The following LAT variants were observed in gnomAD, a reference collection of about 807,000 sequenced individuals.
The protein encoded by LAT is linker for activation of T-cells family member 1.
A neutral mutation model predicts 39.1 loss-of-function variants in LAT; 12 were observed. The ratio of observed to expected loss-of-function variants is 0.31; its 90% confidence interval spans 0.20 to 0.50. LAT has a LOEUF of 0.50. Among genes scored for constraint, LAT ranks in the 20% least tolerant of loss-of-function variants. The pLI, the probability that LAT is intolerant of heterozygous loss-of-function variation, is 0.98. For synonymous variants in LAT, 117 were observed against 123.8 expected (o/e 0.95, Z 0.36); for missense variants, 253 against 308.0 (o/e 0.82, Z 1.34).
chr16:28,986,369 CT>C lies in LAT; in HGVS notation c.246-10del. 1 of 1,613,542 alleles carries C rather than the reference CT, an allele frequency of 6.2e-7. No individual in the cohort carries two copies. The highest frequency in any genetic ancestry group is 8.5e-7 in the Non-Finnish European group (1 of 1,180,006). On this transcript the variant is annotated splice_polypyrimidine_tract_variant and intron_variant, in intron 4 of 11. Transcript: ENST00000395456. The surrounding 1 kb of genome is among the most constrained non-coding windows in gnomAD (Gnocchi z 5.7). ...CCCCACCTCAGGCATGACCCCTGAC[CT>C]TTGACTCCCAGAAGATCCCCGCAGC...
Position 28,985,264 on chromosome 16 carries a change from G to C in LAT, c.-154G>C. On this transcript the variant is annotated 5_prime_UTR_variant, in exon 1 of 12. Coordinates refer to ENST00000395456, the MANE Select transcript of LAT (RefSeq NM_001014987.2). The surrounding 1 kb of genome is among the most constrained non-coding windows in gnomAD (Gnocchi z 4.6). ...ACCCATCCCGGGAGCCCCGGGGAGG[G>C]CACAGCTGCCTCCTCCCGGGCTCCC... is the stretch of plus-strand genomic sequence containing the variant. The C allele has an allele frequency of 6.9e-7, 1 of 1,451,146 alleles. No homozygotes were observed. Among genetic ancestry groups the C allele is most frequent in the Non-Finnish European group, 9.1e-7 (1 of 1,104,304 alleles). The allele number at this position is 1,451,146 out of a possible 1,614,324, so 89.9% of individuals were successfully genotyped here. A position where few individuals can be genotyped will look rare whatever the true frequency, so the allele number is the denominator to read the frequency against.
chr16:28,989,759 G>C lies in LAT; in HGVS notation c.557-15G>C. 6.2e-7 allele frequency: 1 copy of C among 1,613,986 alleles called. No individual in the cohort carries two copies. The highest frequency in any genetic ancestry group is 8.5e-7 in the Non-Finnish European group (1 of 1,179,958). On this transcript the variant is annotated splice_polypyrimidine_tract_variant and intron_variant, in intron 9 of 11. Transcript: ENST00000395456. The stretch of plus-strand genomic sequence containing the variant: ...CCTTTGCGTGGCTGCCCCTCCTTCT[G>C]ATCTGTCCCCACAGATGGCAGCCGG...
In LAT at chr16:28,990,018, T is replaced by C. The variant is rs955757126; in HGVS notation, c.*6T>C. ...ATCTGCAGGAGCTGAACTGAGGGCC[T>C]GGTGAGAGGCCTGCCCTGTCCCCAC... On this transcript the variant is annotated splice_region_variant and 3_prime_UTR_variant, in exon 11 of 12. Transcript: ENST00000395456. 1.9e-6 allele frequency: 3 copies of C among 1,611,492 alleles called. No individual in the cohort carries two copies. Among genetic ancestry groups the C allele is most frequent in the Admixed American group, 3.3e-5 (2 of 59,868 alleles).
At position 28,986,100 on chromosome 16, in the gene LAT, G is replaced by A. The variant is rs377393523; in HGVS notation, c.164-35G>A. ...GTTCTTTGAGGCCTTGACGATGTCC[G>A]GAGTCCTTCTTTCAACTTGGTTCTG... On this transcript the variant is annotated intron_variant, in intron 3 of 11. Transcript: ENST00000395456. The surrounding 1 kb of genome is among the most constrained non-coding windows in gnomAD (Gnocchi z 5.7). The A allele has an allele frequency of 1.5e-4, 224 of 1,539,770 alleles. 1 individual carries two copies. The Middle Eastern group carries it at 3.1e-3, about 21-fold the overall frequency.
In LAT at chr16:28,986,876, G is replaced by A. The variant is rs544913468; in HGVS notation, c.476G>A (p.Arg159Gln). The A allele has an allele frequency of 1.2e-5, 20 of 1,613,978 alleles. No homozygotes were observed. The highest frequency in any genetic ancestry group is 1.7e-4 in the Middle Eastern group (1 of 6,060). Residue 159 changes from arginine to glutamine, a missense_variant, in exon 8 of 12, where the codon CGA becomes CAA. Coordinates refer to ENST00000395456, the MANE Select transcript of LAT (RefSeq NM_001014987.2). This position sits in a 1 kb window ranked among gnomAD's most constrained non-coding sequence, Gnocchi z 5.7. The part of the protein sequence containing the change: ...SAPALSTPGI[R>Q]DSAFSMESID... ...CCTGCACTCAGCACCCCTGGCATCC[G>A]AGACAGTGCCTTCTCCAGTGAGTCA...
chr16:28,989,506 G>A (rs1236473179), intron 8 of LAT, 21 bp from the exon 9 acceptor site: 5 of 1,593,238 alleles, frequency 3.1e-6, no homozygotes, highest in Non-Finnish European at 4.3e-6. Flanking sequence ...CAGTGCCGAG[G>A]TGGGCCTGGC....
At chr16:28,987,028 C>G (rs1181460311) in intron 8 of LAT, 135 bp downstream of exon 8, 1 of 726,496 alleles carries the variant, frequency 1.4e-6, no homozygotes, top group African/African-American at 1.8e-5. Context: ...CGGCCTCAGC[C>G]TCCCAAGTAG....
intron 8 of LAT, chr16:28,988,091 T>TA (rs753398649): frequency 1.5e-3 from 202 of 139,122 alleles, no homozygotes; most frequent in South Asian, 3.5e-3. Flanking sequence ...GACCTTGTGT[T>TA]AAAAAAAAAA....
chr16:28,985,256 C>G lies in LAT; in HGVS notation c.-162C>G. 6.9e-7 allele frequency: 1 copy of G among 1,444,200 alleles called. No individual in the cohort carries two copies. Among genetic ancestry groups the G allele is most frequent in the Non-Finnish European group, 9.1e-7 (1 of 1,102,086 alleles). The allele number at this position is 1,444,200 out of a possible 1,614,324, so 89.5% of individuals were successfully genotyped here. A position where few individuals can be genotyped will look rare whatever the true frequency, so the allele number is the denominator to read the frequency against. ...AAGAGGGGACCCATCCCGGGAGCCC[C>G]GGGGAGGGCACAGCTGCCTCCTCCC... On this transcript the variant is annotated 5_prime_UTR_variant, in exon 1 of 12. Coordinates refer to ENST00000395456, the MANE Select transcript of LAT (RefSeq NM_001014987.2). The surrounding 1 kb of genome is among the most constrained non-coding windows in gnomAD (Gnocchi z 4.6).
At position 28,986,168 on chromosome 16, in the gene LAT, C is replaced by T. The variant is rs1596767543; in HGVS notation, c.197C>T (p.Pro66Leu). 6.9e-6 allele frequency: 11 copies of T among 1,604,810 alleles called. No individual in the cohort carries two copies. The African/African-American group carries it at 8.0e-5, about 12-fold the overall frequency. The change falls in exon 4 of 12, where the codon CCT becomes CTT. Residue 66 changes from proline to leucine, a missense_variant. Physicochemically the swap from Pro to Leu is moderately conservative, Grantham distance 98. Coordinates refer to ENST00000395456, the MANE Select transcript of LAT (RefSeq NM_001014987.2). The surrounding 1 kb of genome is among the most constrained non-coding windows in gnomAD (Gnocchi z 5.7). ...GCCCCCTGGCCACCTGCCTACCCACCTGTCACCTCCTACCCACCCCTGAGC... is the reference window on the plus strand; with the variant it reads ...GCCCCCTGGCCACCTGCCTACCCACTTGTCACCTCCTACCCACCCCTGAGC... ...TVAPWPPAYP[P>L]VTSYPPLSQP...
intron 8 of LAT, among the ~76,000 whole-genome samples, chr16:28,987,160 C>T (rs1205913761): frequency 2.6e-5 from 4 of 152,192 alleles, no homozygotes; most frequent in Non-Finnish European, 4.4e-5. Flanking sequence ...CCTCCCACCT[C>T]GGGCTCCCAA....
upstream of LAT, chr16:28,984,900 C>T (rs749827158): frequency 2.2e-5 from 34 of 1,548,330 alleles, no homozygotes; most frequent in South Asian, 6.0e-5. Flanking sequence ...TGGCTGTCCC[C>T]GTCTTGGGGG....
intron 8 of LAT, chr16:28,987,703 T>TTTTA (rs1555524965): frequency 1.3e-5 from 2 of 151,912 alleles, no homozygotes; most frequent in African/African-American, 4.9e-5. Context: ...ACTTCTTTTC[T>TTTTA]TTCATTCATT....
chr16:28,986,029 C>T lies in LAT; in HGVS notation c.164-106C>T. 7.2e-7 allele frequency: 1 copy of T among 1,380,170 alleles called. No homozygotes were observed. Among genetic ancestry groups the T allele is most frequent in the Non-Finnish European group, 1.0e-6 (1 of 971,712 alleles). The allele number at this position is 1,380,170 out of a possible 1,614,324, so 85.5% of individuals were successfully genotyped here. A position where few individuals can be genotyped will look rare whatever the true frequency, so the allele number is the denominator to read the frequency against. On this transcript the variant is annotated intron_variant, in intron 3 of 11. Coordinates refer to ENST00000395456, the MANE Select transcript of LAT (RefSeq NM_001014987.2). This position sits in a 1 kb window ranked among gnomAD's most constrained non-coding sequence, Gnocchi z 5.7. ...ACCTGAGCTGGGAGAGGGGAGATGG[C>T]TCCCCCAGGCCTGTCCAGGGTGTGG...
At chr16:28,984,847 C>T (rs947756325), upstream of LAT, 10 of 1,549,922 alleles carry the variant, frequency 6.5e-6, no homozygotes, top group African/African-American at 6.8e-5. Context: ...CTCGCTGCCT[C>T]CCCGGGTCCT....
rs1024112378 is a variant in LAT at position 28,986,683 on chromosome 16, G to T, written c.367G>T (p.Asp123Tyr). Residue 123 changes from aspartate to tyrosine, a missense_variant, in exon 7 of 12, where the codon GAT becomes TAT. Asp to Tyr is a radical substitution (Grantham distance 160, BLOSUM62 -3). Coordinates refer to ENST00000395456, the MANE Select transcript of LAT (RefSeq NM_001014987.2). The surrounding 1 kb of genome is among the most constrained non-coding windows in gnomAD (Gnocchi z 5.7). ...EEPACEDADE[D>Y]EDDYHNPGYL... ...ACCAGCCTGTGAGGATGCGGATGAG[G>T]ATGAGGACGACTATCACAACCCAGG... 1.9e-6 allele frequency: 3 copies of T among 1,613,816 alleles called. No homozygotes were observed. Among genetic ancestry groups the T allele is most frequent in the Non-Finnish European group, 2.5e-6 (3 of 1,179,898 alleles).
In LAT at chr16:28,987,148, A is replaced by G. The variant is rs1218148157; in HGVS notation, c.493+255A>G. On this transcript the variant is annotated intron_variant, in intron 8 of 11. Coordinates refer to ENST00000395456, the MANE Select transcript of LAT (RefSeq NM_001014987.2). ...GGCCTTAAACTCCTGGGCTCAAGTGATCCTCCCACCTCGGGCTCCCAAAGT... is the reference window on the plus strand; with the variant it reads ...GGCCTTAAACTCCTGGGCTCAAGTGGTCCTCCCACCTCGGGCTCCCAAAGT... Among the ~76,000 whole-genome samples the G allele has an allele frequency of 2.0e-5, 3 of 152,084 alleles. No individual in the cohort carries two copies. In the East Asian group the frequency reaches 5.8e-4, roughly 29 times the overall value.
rs368424638 is a variant in LAT at position 28,986,764 on chromosome 16, C to T, written c.399-35C>T. On this transcript the variant is annotated intron_variant, in intron 7 of 11. Transcript: ENST00000395456. The surrounding 1 kb of genome is among the most constrained non-coding windows in gnomAD (Gnocchi z 5.7). ...AGGTGAGGGCTGAGGCTGTGCGTCC[C>T]CCCTTGCTCACCGGCCCTTTTCACT... The T allele has an allele frequency of 5.8e-5, 94 of 1,609,718 alleles. No individual in the cohort carries two copies. Among genetic ancestry groups the T allele is most frequent in the Non-Finnish European group, 7.6e-5 (90 of 1,177,358 alleles).
chr16:28,990,441 G>A lies in LAT; in HGVS notation c.*260G>A, dbSNP rs979041421. 1.1e-5 allele frequency: 4 copies of A among 354,018 alleles called. No individual in the cohort carries two copies. The highest frequency in any genetic ancestry group is 3.9e-5 in the Admixed American group (1 of 25,638). 21.9% of individuals were successfully genotyped at this position (354,018 alleles called of 1,614,324 possible). On this transcript the variant is annotated 3_prime_UTR_variant, in exon 12 of 12. Coordinates refer to ENST00000395456, the MANE Select transcript of LAT (RefSeq NM_001014987.2). ...TCTGTGTAATAGAATAAAGGCCTGC[G>A]TGTGTCTGTGTTGAGCGTGCGTCTG...
Sources: allele counts gnomAD v4.1 joint callset (sites outside exome capture counted in the v4.1 genomes callset), GRCh38; gene constraint gnomAD v4.1.1; non-coding constraint Gnocchi (gnomAD v3.1); transcripts MANE v1.5; gene names NCBI Gene and HGNC (gene_info 2026-07-23, HGNC 2026-07-21).